The following TIGAR variants were observed in gnomAD, a reference collection of about 807,000 sequenced individuals.
TIGAR encodes the protein fructose-2,6-bisphosphatase TIGAR.
A neutral mutation model predicts 17.9 loss-of-function variants in TIGAR; 7 were observed. The ratio of observed to expected loss-of-function variants is 0.39; its 90% CI spans 0.22 to 0.73. The LOEUF (loss-of-function observed/expected upper bound fraction) is 0.73, where lower values mean the gene tolerates loss of function less well. Among genes scored for constraint, TIGAR ranks in the 30% least tolerant of loss-of-function variants. TIGAR has a pLI of 0.42. For missense variants in TIGAR, 258 were observed against 327.4 expected (o/e 0.79, Z 1.64); for synonymous variants, 94 against 108.6 (o/e 0.87, Z 0.84).
chr12:4,330,120 A>G (rs996661809), intron 1 of TIGAR, among the ~76,000 whole-genome samples: 1 of 152,162 alleles, frequency 6.6e-6, no homozygotes, highest in Non-Finnish European at 1.5e-5. Flanking sequence ...TTCCAGGATG[A>G]GGCCTGAGTT....
chr12:4,337,594 T>C lies in TIGAR; in HGVS notation c.192+434T>C, dbSNP rs536394508. Among the ~76,000 whole-genome samples, 11 of 152,352 alleles carry C rather than the reference T, an allele frequency of 7.2e-5. No homozygotes were observed. The East Asian group carries it at 1.5e-3, about 21-fold the overall frequency. ...ACATGACCTTCCTCAACAGAACTTA[T>C]TTATTTTAATTTTATTTTGTACTTT... On this transcript the variant is annotated intron_variant, in intron 3 of 5. Coordinates refer to ENST00000179259, the MANE Select transcript of TIGAR (RefSeq NM_020375.3).
intron 3 of TIGAR, among the ~76,000 whole-genome samples, chr12:4,346,891 G>T (rs1864787271): frequency 6.6e-6 from 1 of 152,094 alleles, no homozygotes; most frequent in South Asian, 2.1e-4. Flanking sequence ...CAAAAGACAG[G>T]CAATAACACA....
chr12:4,333,298 T>G (rs1864623062), intron 2 of TIGAR, among the ~76,000 whole-genome samples: 1 of 151,398 alleles, frequency 6.6e-6, no homozygotes, highest in African/African-American at 2.4e-5. Context: ...AGTTGTCTTT[T>G]TTTTTTTTTG....
At chr12:4,346,199 A>G (rs1238976667) in intron 3 of TIGAR, among the ~76,000 whole-genome samples, 2 of 152,210 alleles carry the variant, frequency 1.3e-5, no homozygotes, top group East Asian at 1.9e-4. Context: ...ACAGTGTGGC[A>G]ATTCCTCAGG....
At chr12:4,336,919 G>A in intron 2 of TIGAR, 120 bp from the exon 3 acceptor site, 3 of 1,186,506 alleles carry the variant, frequency 2.5e-6, no homozygotes, top group Non-Finnish European at 3.4e-6. Context: ...ACGTGGAAGA[G>A]TACTTAAAAA....
At chr12:4,325,807 A>G (rs1310609450) in intron 1 of TIGAR, among the ~76,000 whole-genome samples, 1 of 151,818 alleles carries the variant, frequency 6.6e-6, no homozygotes, top group Non-Finnish European at 1.5e-5. Context: ...AATCTTCTAT[A>G]TTTGCAAATG....
At position 4,353,677 on chromosome 12, in the gene TIGAR, A is replaced by G. The variant is rs1286411494; in HGVS notation, c.*986A>G. 2 of 152,294 alleles carry G rather than the reference A, an allele frequency of 1.3e-5. No individual in the cohort carries two copies. The highest frequency in any genetic ancestry group is 2.4e-5 in the African/African-American group (1 of 41,456). 9.4% of individuals were successfully genotyped at this position (152,294 alleles called of 1,614,324 possible). A position where few individuals can be genotyped will look rare whatever the true frequency, so the allele number is the denominator to read the frequency against. On this transcript the variant is annotated 3_prime_UTR_variant, in exon 6 of 6. Transcript: ENST00000179259. ...ATGGTGAAACCCTGTCTCTACTACA[A>G]ATACAAAAAAGCCAGGCGTGGTAGC...
intron 2 of TIGAR, among the ~76,000 whole-genome samples, chr12:4,335,233 C>T (rs539265623): frequency 9.9e-5 from 15 of 151,996 alleles, no homozygotes; most frequent in Admixed American, 3.3e-4. Flanking sequence ...GACAGGATTT[C>T]GCCATGTTGG....
chr12:4,330,287 G>A (rs1386613327), intron 1 of TIGAR, among the ~76,000 whole-genome samples: 3 of 152,190 alleles, frequency 2.0e-5, no homozygotes, highest in Admixed American at 2.0e-4. Context: ...TAAAATTAAA[G>A]TGAGATGAAT....
Position 4,358,103 on chromosome 12 carries a change from C to A in TIGAR, c.*5412C>A, listed in dbSNP as rs974704572. ...TGGGTGACAGAGCAAGACTGGGTCTCAAAAAAAAAAAAAAAAAATCATTTG... is the reference window on the plus strand; with the variant it reads ...TGGGTGACAGAGCAAGACTGGGTCTAAAAAAAAAAAAAAAAAAATCATTTG... On this transcript the variant is annotated 3_prime_UTR_variant, in exon 6 of 6. Transcript: ENST00000179259. Among the ~76,000 whole-genome samples, 50 of 123,242 alleles carry A rather than the reference C, an allele frequency of 4.1e-4. No individual in the cohort carries two copies. Among genetic ancestry groups the A allele is most frequent in the Admixed American group, 1.0e-3 (12 of 11,702 alleles). The allele number at this position is 123,242 out of a possible 152,430, so 80.9% of individuals were successfully genotyped here. A position where few individuals can be genotyped will look rare whatever the true frequency, so the allele number is the denominator to read the frequency against.
In TIGAR at chr12:4,353,537, G is replaced by A. The variant is rs1864860539; in HGVS notation, c.*846G>A. The A allele has an allele frequency of 6.6e-6, 1 of 152,198 alleles. No individual in the cohort carries two copies. Among genetic ancestry groups the A allele is most frequent in the Non-Finnish European group, 1.5e-5 (1 of 68,072 alleles). 9.4% of individuals were successfully genotyped at this position (152,198 alleles called of 1,614,324 possible). ...TCAGAATAAAAGAGGGGCCTTCTTT[G>A]TAAAGAATGGTGCTCTGGGCCGGGC... On this transcript the variant is annotated 3_prime_UTR_variant, in exon 6 of 6. Coordinates refer to ENST00000179259, the MANE Select transcript of TIGAR (RefSeq NM_020375.3).
At chr12:4,342,317 A>G (rs1446374441) in intron 3 of TIGAR, among the ~76,000 whole-genome samples, 1 of 152,228 alleles carries the variant, frequency 6.6e-6, no homozygotes, top group East Asian at 1.9e-4. Flanking sequence ...ACTCTGCAGC[A>G]TATTATCCAG....
At chr12:4,341,718 C>T (rs571611057) in intron 3 of TIGAR, among the ~76,000 whole-genome samples, 1 of 152,246 alleles carries the variant, frequency 6.6e-6, no homozygotes, top group African/African-American at 2.4e-5. Context: ...GAAAGGACAT[C>T]CATACCAAAA....
intron 3 of TIGAR, among the ~76,000 whole-genome samples, chr12:4,343,436 C>T (rs1864746428): frequency 6.6e-6 from 1 of 152,190 alleles, no homozygotes; most frequent in Admixed American, 6.5e-5. Flanking sequence ...ATACATTCTT[C>T]TCAGCACCAC....
chr12:4,321,455 C>G lies in TIGAR; in HGVS notation c.32+152C>G, dbSNP rs1864476602. The G allele has an allele frequency of 9.0e-7, 1 of 1,112,350 alleles. No individual in the cohort carries two copies. Among genetic ancestry groups the G allele is most frequent in the Non-Finnish European group, 1.3e-6 (1 of 783,602 alleles). The allele number at this position is 1,112,350 out of a possible 1,614,324, so 68.9% of individuals were successfully genotyped here. On this transcript the variant is annotated intron_variant, in intron 1 of 5. Coordinates refer to ENST00000179259, the MANE Select transcript of TIGAR (RefSeq NM_020375.3). The surrounding 1 kb of genome is among the most constrained non-coding windows in gnomAD (Gnocchi z 5.2). ...GAAGCGCTTTTTCCGGGGCGCTTGC[C>G]CTGGGGCCGTCCCGTGTCGCCCCTC...
chr12:4,349,486 C>T (rs1256866588), intron 3 of TIGAR, among the ~76,000 whole-genome samples: 2 of 151,806 alleles, frequency 1.3e-5, no homozygotes, highest in Admixed American at 6.6e-5. Flanking sequence ...GGCGCAATCT[C>T]AGCTCACTGC....
chr12:4,350,790 A>G (rs967337841), intron 4 of TIGAR, among the ~76,000 whole-genome samples: 1 of 151,708 alleles, frequency 6.6e-6, no homozygotes, highest in African/African-American at 2.4e-5. Context: ...AAAAAAAAAA[A>G]GAAAAAAAAA....
At chr12:4,332,504 A>G (rs1864614773) in intron 2 of TIGAR, among the ~76,000 whole-genome samples, 1 of 152,142 alleles carries the variant, frequency 6.6e-6, no homozygotes, top group Admixed American at 6.5e-5. Context: ...TTAGCATCCC[A>G]AAGTGCTGGA....
chr12:4,353,612 G>A lies in TIGAR; in HGVS notation c.*921G>A, dbSNP rs949041560. On this transcript the variant is annotated 3_prime_UTR_variant, in exon 6 of 6. Transcript: ENST00000179259. ...AGCACTTTGGGAGGCTGAGGCGGGC[G>A]GATCACAAGGTCAGGAATTCTAGAC... The A allele has an allele frequency of 2.2e-4, 33 of 152,148 alleles. No homozygotes were observed. The highest frequency in any genetic ancestry group is 2.7e-4 in the African/African-American group (11 of 41,390). The allele number at this position is 152,148 out of a possible 1,614,324, so 9.4% of individuals were successfully genotyped here. A position where few individuals can be genotyped will look rare whatever the true frequency, so the allele number is the denominator to read the frequency against.
Sources: gnomAD v4.1 joint callset for allele counts (sites outside exome capture counted in the v4.1 genomes callset) on GRCh38, gnomAD v4.1.1 for gene constraint, Gnocchi (gnomAD v3.1) non-coding constraint, MANE v1.5 for transcripts, NCBI Gene and HGNC (gene_info 2026-07-23, HGNC 2026-07-21) for gene names.